KCNMA1: variants seen among roughly 807,000 people sequenced by gnomAD.
KCNMA1 encodes the protein Calcium-activated potassium channel subunit alpha-1.
A neutral mutation model predicts 140.0 loss-of-function variants in KCNMA1; 29 were observed. That is an observed-to-expected ratio of 0.21 (90% confidence interval 0.15 to 0.28). The LOEUF (loss-of-function observed/expected upper bound fraction) is 0.28, where lower values mean the gene tolerates loss of function less well. KCNMA1 is among the 10% of genes least tolerant of loss of function. KCNMA1 has a pLI of 1.00. For missense variants in KCNMA1, 880 were observed against 1,602.2 expected (o/e 0.55, Z 7.70); for synonymous variants, 612 against 611.9 (o/e 1.00, Z 0.00).
chr10:77,564,106 A>G (rs1295026071), intron 1 of KCNMA1, among the ~76,000 whole-genome samples: 1 of 152,236 alleles, frequency 6.6e-6, no homozygotes, highest in Non-Finnish European at 1.5e-5. Context: ...TGGCAATAAA[A>G]GAAAGTGAAT....
chr10:77,116,525 G>T (rs571786353), intron 6 of KCNMA1, among the ~76,000 whole-genome samples: 1 of 151,966 alleles, frequency 6.6e-6, no homozygotes, highest in Admixed American at 6.6e-5. Context: ...TTCTGGTACT[G>T]CCAGGTGCTG....
intron 1 of KCNMA1, among the ~76,000 whole-genome samples, chr10:77,570,634 G>A (rs1384834649): frequency 2.8e-5 from 4 of 144,128 alleles, no homozygotes; most frequent in Non-Finnish European, 6.0e-5. Context: ...TATACCTAAT[G>A]CTAGATGACG....
At chr10:76,892,056 A>G (rs949886866) in intron 25 of KCNMA1, among the ~76,000 whole-genome samples, 3 of 152,158 alleles carry the variant, frequency 2.0e-5, no homozygotes, top group Admixed American at 6.5e-5. Context: ...CGTGACTACT[A>G]TGAGATTCTG....
chr10:77,565,730 C>A (rs554592646), intron 1 of KCNMA1, among the ~76,000 whole-genome samples: 1 of 152,348 alleles, frequency 6.6e-6, no homozygotes, highest in South Asian at 2.1e-4. Flanking sequence ...GTACTTGGCA[C>A]AAGATAAGTG....
intron 20 of KCNMA1, among the ~76,000 whole-genome samples, chr10:76,967,068 T>C (rs893538040): frequency 4.6e-5 from 7 of 152,104 alleles, no homozygotes; most frequent in Non-Finnish European, 7.3e-5. Context: ...TGGCAGATGA[T>C]TTGGAAGGAG....
chr10:77,627,217 A>T (rs2092642353), intron 1 of KCNMA1, among the ~76,000 whole-genome samples: 1 of 152,178 alleles, frequency 6.6e-6, no homozygotes, highest in African/African-American at 2.4e-5. Context: ...AAAAAGAGTC[A>T]ACACCTAGAA....
At position 77,312,659 on chromosome 10, in the gene KCNMA1, C is replaced by T. The variant is rs552633105; in HGVS notation, c.541-61403G>A. Among the ~76,000 whole-genome samples, 13 of 152,226 alleles carry T rather than the reference C, an allele frequency of 8.5e-5. No homozygotes were observed. In the South Asian group the frequency reaches 1.9e-3, roughly 22 times the overall value. On this transcript the variant is annotated intron_variant, in intron 2 of 27. Coordinates refer to ENST00000286628, the MANE Select transcript of KCNMA1 (RefSeq NM_001161352.2). ...AAGAATGCCAAGAGGCATAAAAACA[C>T]GGCAATGCTTCCAGGGCTGGATTTA...
intron 12 of KCNMA1, among the ~76,000 whole-genome samples, chr10:77,081,438 AT>A (rs565623598): frequency 7.0e-4 from 107 of 152,286 alleles, no homozygotes; most frequent in African/African-American, 2.5e-3. Flanking sequence ...AAAGAATGGA[AT>A]TCCACAGAAA....
chr10:77,290,529 T>C (rs1007355988), intron 2 of KCNMA1, among the ~76,000 whole-genome samples: 2 of 152,136 alleles, frequency 1.3e-5, no homozygotes, highest in African/African-American at 2.4e-5. Flanking sequence ...TGAGGAAGGG[T>C]TGTATCTTCA....
intron 14 of KCNMA1, among the ~76,000 whole-genome samples, chr10:77,067,043 T>C (rs576796939): frequency 7.9e-5 from 12 of 152,358 alleles, no homozygotes; most frequent in Admixed American, 6.5e-4. Flanking sequence ...TGATGATTAA[T>C]GTTAACTTGA....
At chr10:77,276,490 C>A (rs913994716) in intron 2 of KCNMA1, among the ~76,000 whole-genome samples, 1 of 152,168 alleles carries the variant, frequency 6.6e-6, no homozygotes, top group Non-Finnish European at 1.5e-5. Flanking sequence ...TGTGGCCCTG[C>A]GGAAGTCACT....
rs76612285 is a variant in KCNMA1 at position 77,436,633 on chromosome 10, T to C, written c.379-32610A>G. 5.9e-3 allele frequency among the ~76,000 whole-genome samples: 905 copies of C among 152,326 alleles called. 6 individuals carry two copies. Among genetic ancestry groups the C allele is most frequent in the African/African-American group, 0.021 (854 of 41,574 alleles). Reference sequence around the variant, plus strand: ...AACAGCACAGAGAAGTGAAGTAATTTGGCCAAGGTCACACAGGTACTACAG... The same window carrying C: ...AACAGCACAGAGAAGTGAAGTAATTCGGCCAAGGTCACACAGGTACTACAG... On this transcript the variant is annotated intron_variant, in intron 1 of 27. Coordinates refer to ENST00000286628, the MANE Select transcript of KCNMA1 (RefSeq NM_001161352.2).
chr10:76,920,105 A>G lies in KCNMA1; in HGVS notation c.2903-5056T>C, dbSNP rs527735175. Reference sequence around the variant, plus strand: ...GGAAAGAAGGACTATGGCTCAGACAAGATATACACAAGTAATGGCTGGAAA... The same window carrying G: ...GGAAAGAAGGACTATGGCTCAGACAGGATATACACAAGTAATGGCTGGAAA... On this transcript the variant is annotated intron_variant, in intron 23 of 27. Coordinates refer to ENST00000286628, the MANE Select transcript of KCNMA1 (RefSeq NM_001161352.2). Among the ~76,000 whole-genome samples, 44 of 145,700 alleles carry G rather than the reference A, an allele frequency of 3.0e-4. No individual in the cohort carries two copies. In the South Asian group the frequency reaches 9.7e-3, roughly 32 times the overall value.
At chr10:77,565,875 C>A (rs1057327939) in intron 1 of KCNMA1, among the ~76,000 whole-genome samples, 2 of 152,070 alleles carry the variant, frequency 1.3e-5, no homozygotes, top group African/African-American at 2.4e-5. Context: ...CCCCTGAGAT[C>A]CCCACATGAA....
chr10:76,923,674 C>G (rs2056753857), intron 23 of KCNMA1, among the ~76,000 whole-genome samples: 2 of 152,114 alleles, frequency 1.3e-5, no homozygotes, highest in Non-Finnish European at 2.9e-5. Flanking sequence ...TTTACCTTAT[C>G]TTAATTCATC....
At chr10:76,884,121 G>A (rs767667677), downstream of KCNMA1, 46 of 300,786 alleles carry the variant, frequency 1.5e-4, no homozygotes, top group Admixed American at 2.6e-4. Context: ...TATATAAAAC[G>A]CACTTCGGAT....
At chr10:77,564,146 GAGA>G (rs1276781805) in intron 1 of KCNMA1, among the ~76,000 whole-genome samples, 1 of 152,212 alleles carries the variant, frequency 6.6e-6, no homozygotes, top group Non-Finnish European at 1.5e-5. Context: ...GGAACAAAAA[GAGA>G]AGAACAGAGA....
rs573114175 is a variant in KCNMA1, at chr10:77,335,193, G to A, written c.540+68669C>T. On this transcript the variant is annotated intron_variant, in intron 2 of 27. Transcript: ENST00000286628. ...TCCTCATCCTTATGGAAGCACAAGC[G>A]GTATAGTTGCAGGGGTAAATAGGTG... Among the ~76,000 whole-genome samples, 16 of 152,202 alleles carry A rather than the reference G, an allele frequency of 1.1e-4. No homozygotes were observed. The South Asian group carries it at 1.2e-3, about 12-fold the overall frequency.
At chr10:77,515,383 A>C in intron 1 of KCNMA1, among the ~76,000 whole-genome samples, 1 of 152,272 alleles carries the variant, frequency 6.6e-6, no homozygotes, top group South Asian at 2.1e-4. Context: ...GAAAAAAAAA[A>C]TTAAAAAACA....
Sources: allele counts gnomAD v4.1 joint callset (sites outside exome capture counted in the v4.1 genomes callset), GRCh38; gene constraint gnomAD v4.1.1; transcripts MANE v1.5; gene names NCBI Gene and HGNC (gene_info 2026-07-23, HGNC 2026-07-21).